The following TRPC3 variants were observed in gnomAD, a reference collection of about 807,000 sequenced individuals.
The protein encoded by TRPC3 is short transient receptor potential channel 3.
A neutral mutation model predicts 90.9 loss-of-function variants in TRPC3; 54 were observed. That is an observed-to-expected ratio of 0.59 (90% confidence interval 0.48 to 0.75). The LOEUF is 0.75. TRPC3 is among the 30% of genes least tolerant of loss of function. The pLI, the probability that TRPC3 is intolerant of heterozygous loss-of-function variation, is 0.00. For synonymous variants in TRPC3, 424 were observed against 450.9 expected, an observed-to-expected ratio of 0.94 and a Z score of 0.75; for missense variants, 918 against 1,194.5, an observed-to-expected ratio of 0.77 and a Z score of 3.41.
chr4:121,877,778 CAAAAAAA>C lies in TRPC3; in HGVS notation c.*1951_*1957del, dbSNP rs199924407. Among the ~76,000 whole-genome samples, 1 of 119,678 alleles carries C rather than the reference CAAAAAAA, an allele frequency of 8.4e-6. No individual in the cohort carries two copies. Among genetic ancestry groups the C allele is most frequent in the African/African-American group, 3.1e-5 (1 of 32,548 alleles). The allele number at this position is 119,678 out of a possible 152,430, so 78.5% of individuals were successfully genotyped here. A position where few individuals can be genotyped will look rare whatever the true frequency, so the allele number is the denominator to read the frequency against. On this transcript the variant is annotated 3_prime_UTR_variant, in exon 12 of 12. Transcript: ENST00000379645. Reference sequence around the variant, plus strand: ...GCTCTACAGTTGTGAGGGGCATGGACAAAAAAAAAAAAAAAAAAAAGTCAGCTTTTTA... The same window carrying C: ...GCTCTACAGTTGTGAGGGGCATGGACAAAAAAAAAAAAAGTCAGCTTTTTA...
intron 10 of TRPC3, among the ~76,000 whole-genome samples, chr4:121,897,974 A>G (rs1031736836): frequency 8.5e-5 from 13 of 152,174 alleles, no homozygotes; most frequent in Non-Finnish European, 1.9e-4. Context: ...TCAGCTATAA[A>G]AAAGATTGAA....
At position 121,904,379 on chromosome 4, in the gene TRPC3, C is replaced by A. The variant is rs766217353; in HGVS notation, c.2196G>T (p.Val732=). The change falls in exon 8 of 12, where the codon GTG becomes GTT. Residue 732 remains valine (V), a synonymous_variant. Transcript: ENST00000379645. ...CAATTAGCATGTTGAGTAAAACGACCACCATAGTTACATTGTATATTCCAT... is the reference window on the plus strand; with the variant it reads ...CAATTAGCATGTTGAGTAAAACGACAACCATAGTTACATTGTATATTCCAT... ...VLYGIYNVTM[V]VVLLNMLIAM... 1 of 1,598,958 alleles carries A rather than the reference C, an allele frequency of 6.3e-7. No homozygotes were observed.
intron 2 of TRPC3, among the ~76,000 whole-genome samples, chr4:121,931,121 C>T (rs1729903593): frequency 6.6e-6 from 1 of 152,090 alleles, no homozygotes; most frequent in Non-Finnish European, 1.5e-5. Flanking sequence ...GGACCACTTT[C>T]CCACCATTTT....
At chr4:121,914,217 T>A (rs1578628557) in intron 4 of TRPC3, among the ~76,000 whole-genome samples, 1 of 152,338 alleles carries the variant, frequency 6.6e-6, no homozygotes, top group South Asian at 2.1e-4. Flanking sequence ...CCCCTGAACC[T>A]AAATCCTACA....
chr4:121,900,582 C>T (rs1728667633), intron 9 of TRPC3, among the ~76,000 whole-genome samples: 1 of 152,142 alleles, frequency 6.6e-6, no homozygotes, highest in Non-Finnish European at 1.5e-5. Flanking sequence ...CACTGGAGGC[C>T]AGTATCTGAT....
rs1727771676 is a variant in TRPC3, at chr4:121,876,705, T to C, written c.*3031A>G. Among the ~76,000 whole-genome samples the C allele has an allele frequency of 6.6e-6, 1 of 152,242 alleles. No homozygotes were observed. The highest frequency in any genetic ancestry group is 2.4e-5 in the African/African-American group (1 of 41,468). On this transcript the variant is annotated 3_prime_UTR_variant, in exon 12 of 12. Transcript: ENST00000379645. Reference sequence around the variant, plus strand: ...CTGTAAAGATACTCTGTACCATTTTTCAAAGTTTTCTCATTATTTCAAGTC... The same window carrying C: ...CTGTAAAGATACTCTGTACCATTTTCCAAAGTTTTCTCATTATTTCAAGTC...
chr4:121,905,432 T>C (rs1728846722), intron 7 of TRPC3, among the ~76,000 whole-genome samples: 1 of 152,132 alleles, frequency 6.6e-6, no homozygotes, highest in East Asian at 1.9e-4. Flanking sequence ...TTAATTTATA[T>C]AATGTACTTC....
chr4:121,908,549 A>G (rs1177132797), intron 6 of TRPC3, among the ~76,000 whole-genome samples: 2 of 152,168 alleles, frequency 1.3e-5, no homozygotes, highest in Non-Finnish European at 2.9e-5. Flanking sequence ...TGCAGCCACA[A>G]AAAAGAACAA....
chr4:121,904,123 C>T (rs965300062), intron 8 of TRPC3, among the ~76,000 whole-genome samples, 199 bp downstream of exon 8: 29 of 152,142 alleles, frequency 1.9e-4, no homozygotes, highest in Middle Eastern at 3.4e-3. Flanking sequence ...TCATGGGGAC[C>T]CCTGCTGTGC....
chr4:121,946,079 C>T (rs969695332), intron 1 of TRPC3, among the ~76,000 whole-genome samples: 3 of 151,974 alleles, frequency 2.0e-5, no homozygotes, highest in African/African-American at 7.3e-5. Flanking sequence ...GATATAAAAA[C>T]TAGGGGATCA....
rs998930594 is a variant in TRPC3 at position 121,951,905 on chromosome 4, G to A, written c.-225C>T. On this transcript the variant is annotated 5_prime_UTR_variant, in exon 1 of 12. Transcript: ENST00000379645. The surrounding 1 kb of genome is among the most constrained non-coding windows in gnomAD (Gnocchi z 4.4). ...CGCCGCCCACCATCAAACCGTGGGA[G>A]CAGCTGCCGCGGCCGTGGCTGCGAC... Among the ~76,000 whole-genome samples the A allele has an allele frequency of 3.3e-5, 5 of 152,110 alleles. No homozygotes were observed. The highest frequency in any genetic ancestry group is 7.4e-5 in the Non-Finnish European group (5 of 68,016).
rs1729654722 is a variant in TRPC3, at chr4:121,925,018, C to T, written c.1176G>A (p.Lys392=). 6.2e-7 allele frequency: 1 copy of T among 1,610,252 alleles called. No homozygotes were observed. The highest frequency in any genetic ancestry group is 1.7e-5 in the Admixed American group (1 of 59,550). ...VKLAIKYEVK[K]FVAHPNCQQQ... ...ACTAGATGAAAGTAGGCCCACTCAC[C>T]TTTTTGACTTCATACTTAATGGCAA... The change falls in exon 3 of 12, where the codon AAG becomes AAA. Residue 392 remains lysine, a splice_region_variant and synonymous_variant. Transcript: ENST00000379645.
rs1442511587 is a variant in TRPC3, at chr4:121,877,774, T to C, written c.*1962A>G. 8.1e-5 allele frequency among the ~76,000 whole-genome samples: 4 copies of C among 49,672 alleles called. No homozygotes were observed. The highest frequency in any genetic ancestry group is 1.4e-4 in the Non-Finnish European group (4 of 28,608). 32.6% of individuals were successfully genotyped at this position (49,672 alleles called of 152,430 possible). On this transcript the variant is annotated 3_prime_UTR_variant, in exon 12 of 12. Coordinates refer to ENST00000379645, the MANE Select transcript of TRPC3 (RefSeq NM_001130698.2). ...AAGAGCTCTACAGTTGTGAGGGGCA[T>C]GGACAAAAAAAAAAAAAAAAAAAAG...
At chr4:121,921,382 C>T (rs1163889845) in intron 3 of TRPC3, among the ~76,000 whole-genome samples, 1 of 151,134 alleles carries the variant, frequency 6.6e-6, no homozygotes, top group Non-Finnish European at 1.5e-5. Context: ...ATTAGCCGGG[C>T]GTAGTGGCGG....
At chr4:121,947,311 TG>T (rs1730524565) in intron 1 of TRPC3, among the ~76,000 whole-genome samples, 1 of 152,128 alleles carries the variant, frequency 6.6e-6, no homozygotes, top group Non-Finnish European at 1.5e-5. Flanking sequence ...CTAGTCAGTC[TG>T]GACTCAAAGT....
chr4:121,886,684 GTTACT>G (rs1383668737), intron 10 of TRPC3, among the ~76,000 whole-genome samples: 1 of 152,042 alleles, frequency 6.6e-6, no homozygotes, highest in Non-Finnish European at 1.5e-5. Context: ...ACTTTTACCT[GTTACT>G]TTTTTCTGCA....
At chr4:121,922,980 G>A (rs924269431) in intron 3 of TRPC3, among the ~76,000 whole-genome samples, 1 of 152,140 alleles carries the variant, frequency 6.6e-6, no homozygotes, top group African/African-American at 2.4e-5. Context: ...GCCATTAATG[G>A]TTGACCAAAA....
At chr4:121,900,064 A>T (rs954662738) in intron 9 of TRPC3, among the ~76,000 whole-genome samples, 2 of 152,178 alleles carry the variant, frequency 1.3e-5, no homozygotes, top group Admixed American at 6.5e-5. Flanking sequence ...CCTGAGCCTA[A>T]GTTCCTCTTC....
At chr4:121,922,143 C>A (rs112534580) in intron 3 of TRPC3, among the ~76,000 whole-genome samples, 1 of 151,744 alleles carries the variant, frequency 6.6e-6, no homozygotes, top group African/African-American at 2.4e-5. Context: ...AGGATGGTCT[C>A]GATCTCCTGA....
Sources: allele counts gnomAD v4.1 joint callset (sites outside exome capture counted in the v4.1 genomes callset), GRCh38; gene constraint gnomAD v4.1.1; non-coding constraint Gnocchi (gnomAD v3.1); transcripts MANE v1.5; gene names NCBI Gene and HGNC (gene_info 2026-07-23, HGNC 2026-07-21).